The following USP5 variants were observed in gnomAD, a reference collection of about 807,000 sequenced individuals.
USP5 encodes the protein ubiquitin specific peptidase 5, also known as ubiquitin carboxyl-terminal hydrolase 5.
USP5 carries 24 observed loss-of-function variants against 102.5 expected under a neutral mutation model. The ratio of observed to expected loss-of-function variants is 0.23; its 90% CI spans 0.17 to 0.33. USP5 has a LOEUF of 0.33. Among genes scored for constraint, USP5 ranks in the 10% least tolerant of loss-of-function variants. USP5 has a pLI of 1.00. For synonymous variants in USP5, 460 were observed against 434.8 expected (o/e 1.06, Z -0.72); for missense variants, 753 against 1,122.1 (o/e 0.67, Z 4.70).
Position 6,861,300 on chromosome 12 carries a change from C to T in USP5, c.1499-143C>T. 2.3e-6 allele frequency: 3 copies of T among 1,285,434 alleles called. No individual in the cohort carries two copies. Among genetic ancestry groups the T allele is most frequent in the Non-Finnish European group, 3.2e-6 (3 of 939,688 alleles). 79.6% of individuals were successfully genotyped at this position (1,285,434 alleles called of 1,614,324 possible). A position where few individuals can be genotyped will look rare whatever the true frequency, so the allele number is the denominator to read the frequency against. ...GCTTGTTAGCAGAGCTGCATGGAAACAGGCGAGATATATTGGACATGTGTC... is the reference window on the plus strand; with the variant it reads ...GCTTGTTAGCAGAGCTGCATGGAAATAGGCGAGATATATTGGACATGTGTC... On this transcript the variant is annotated intron_variant, in intron 12 of 19. Coordinates refer to ENST00000229268, the MANE Select transcript of USP5 (RefSeq NM_001098536.2). This position sits in a 1 kb window ranked among gnomAD's most constrained non-coding sequence, Gnocchi z 4.9.
At chr12:6,852,374 T>C in intron 1 of USP5, 84 bp downstream of exon 1, 2 of 1,370,086 alleles carry the variant, frequency 1.5e-6, no homozygotes, top group Non-Finnish European at 1.0e-6. Flanking sequence ...AGGCTTGGGC[T>C]ACCGCCTCCC....
intron 18 of USP5, 115 bp from the exon 19 acceptor site, chr12:6,865,049 G>T: frequency 7.8e-7 from 1 of 1,289,142 alleles, no homozygotes; most frequent in Non-Finnish European, 1.1e-6. Flanking sequence ...CCCAGTACCT[G>T]CCTCACATTC....
rs868907556 is a variant in USP5 at position 6,858,044 on chromosome 12, C to T, written c.864+321C>T. 1.3e-5 allele frequency among the ~76,000 whole-genome samples: 2 copies of T among 152,078 alleles called. No homozygotes were observed. Among genetic ancestry groups the T allele is most frequent in the Admixed American group, 6.5e-5 (1 of 15,274 alleles). On this transcript the variant is annotated intron_variant, in intron 7 of 19. Coordinates refer to ENST00000229268, the MANE Select transcript of USP5 (RefSeq NM_001098536.2). The surrounding 1 kb of genome is among the most constrained non-coding windows in gnomAD (Gnocchi z 4.2). ...ACTGGTGGGCACTGTGAAAGAGAGG[C>T]GGAGGGTACTACAGTAATTGACAGC...
At position 6,860,839 on chromosome 12, in the gene USP5, T is replaced by A; in HGVS notation, c.1345-114T>A. ...GGAAGGTTTCTGCTCTGCTCTTGTG[T>A]CCCTGAGTTCCGAGTGGTAGTCTGC... is the stretch of plus-strand genomic sequence containing the variant. On this transcript the variant is annotated intron_variant, in intron 11 of 19. Transcript: ENST00000229268. This position sits in a 1 kb window ranked among gnomAD's most constrained non-coding sequence, Gnocchi z 5.5. 6.9e-7 allele frequency: 1 copy of A among 1,453,984 alleles called. No individual in the cohort carries two copies. The highest frequency in any genetic ancestry group is 9.4e-7 in the Non-Finnish European group (1 of 1,064,014). The allele number at this position is 1,453,984 out of a possible 1,614,324, so 90.1% of individuals were successfully genotyped here. A position where few individuals can be genotyped will look rare whatever the true frequency, so the allele number is the denominator to read the frequency against.
In USP5 at chr12:6,861,703, T is replaced by A. The variant is rs1002607503; in HGVS notation, c.1673+86T>A. The A allele has an allele frequency of 5.4e-5, 73 of 1,343,594 alleles. No homozygotes were observed. In the East Asian group the frequency reaches 2.0e-3, roughly 36 times the overall value. 83.2% of individuals were successfully genotyped at this position (1,343,594 alleles called of 1,614,324 possible). A position where few individuals can be genotyped will look rare whatever the true frequency, so the allele number is the denominator to read the frequency against. On this transcript the variant is annotated intron_variant, in intron 13 of 19. Coordinates refer to ENST00000229268, the MANE Select transcript of USP5 (RefSeq NM_001098536.2). This position sits in a 1 kb window ranked among gnomAD's most constrained non-coding sequence, Gnocchi z 4.9. ...CTTCTGTCTCTTCCCTGTTCTTTCA[T>A]CCCTTTGTGGTTGGAACCTCAGGGT...
chr12:6,859,605 C>G (rs1391535748), intron 9 of USP5, 64 bp downstream of exon 9: 1 of 1,518,982 alleles, frequency 6.6e-7, no homozygotes, highest in African/African-American at 1.4e-5. Context: ...TTCCTCCTCC[C>G]TGACCGCCTG....
At position 6,864,006 on chromosome 12, in the gene USP5, G is replaced by T. The variant is rs782263391; in HGVS notation, c.2098+33G>T. ...GGGGTGGGGAGCAGGGTGGGGCAGG[G>T]CCTCCATCCTCCCCCAAACACATCA... On this transcript the variant is annotated intron_variant, in intron 16 of 19. Transcript: ENST00000229268. The surrounding 1 kb of genome is among the most constrained non-coding windows in gnomAD (Gnocchi z 4.8). The T allele has an allele frequency of 5.1e-6, 8 of 1,580,574 alleles. No homozygotes were observed. The highest frequency in any genetic ancestry group is 6.9e-6 in the Non-Finnish European group (8 of 1,158,068).
Position 6,864,833 on chromosome 12 carries a change from G to A in USP5, c.2356G>A (p.Glu786Lys), listed in dbSNP as rs1944385755. 1.2e-6 allele frequency: 2 copies of A among 1,614,002 alleles called. No homozygotes were observed. Among genetic ancestry groups the A allele is most frequent in the Non-Finnish European group, 1.7e-6 (2 of 1,180,040 alleles). The change falls in exon 18 of 20, where the codon GAG (glutamate) becomes AAG (lysine). Residue 786 changes from glutamate (E) to lysine (K), a missense_variant. By Grantham distance (56) the Glu-to-Lys change is moderately conservative (BLOSUM62 1). Coordinates refer to ENST00000229268, the MANE Select transcript of USP5 (RefSeq NM_001098536.2). This position sits in a 1 kb window ranked among gnomAD's most constrained non-coding sequence, Gnocchi z 4.8. ...EGRSAADSIS[E>K]SVPVGPKVRD... ...CCGCTCAGCTGCCGACTCCATCTCT[G>A]AGTCTGTGCCAGTGGGACCTAAAGT...
intron 1 of USP5, among the ~76,000 whole-genome samples, chr12:6,853,696 T>C (rs925434069): frequency 3.3e-5 from 5 of 152,250 alleles, no homozygotes; most frequent in Non-Finnish European, 7.3e-5. Context: ...AAACTTTCCC[T>C]TTTTCACCCC....
At position 6,864,082 on chromosome 12, in the gene USP5, A is replaced by G. The variant is rs782099215; in HGVS notation, c.2131A>G (p.Ser711Gly). ...FANPLILPGS[S>G]GPGSTSAAAD... ...AAACCCCCTCATCCTGCCTGGCTCT[A>G]GTGGGCCGGGCTCCACAAGCGCAGC... is the stretch of plus-strand genomic sequence containing the variant. Residue 711 changes from serine (S) to glycine (G), a missense_variant, in exon 17 of 20, where the codon AGT (serine) becomes GGT (glycine). Around this residue, in one of 3 missense-constraint regions of USP5, gnomAD observed 193 missense variants for 230.2 expected, o/e 0.84. Coordinates refer to ENST00000229268, the MANE Select transcript of USP5 (RefSeq NM_001098536.2). This position sits in a 1 kb window ranked among gnomAD's most constrained non-coding sequence, Gnocchi z 4.8. 3 of 1,612,790 alleles carry G rather than the reference A, an allele frequency of 1.9e-6. No individual in the cohort carries two copies. The highest frequency in any genetic ancestry group is 2.5e-6 in the Non-Finnish European group (3 of 1,179,360).
rs113655717 is a variant in USP5 at position 6,859,743 on chromosome 12, C to G, written c.1130+202C>G. Among the ~76,000 whole-genome samples the G allele has an allele frequency of 6.6e-3, 1,011 of 152,298 alleles. 11 individuals are homozygous for G. The highest frequency in any genetic ancestry group is 0.024 in the African/African-American group (981 of 41,528). On this transcript the variant is annotated intron_variant, in intron 9 of 19. Transcript: ENST00000229268. ...TCTCGGCTCACTACAACCTCTGCCT[C>G]CTGGGTTCAAGTGATTCTCCTGCCT...
intron 8 of USP5, among the ~76,000 whole-genome samples, chr12:6,859,090 G>C (rs956022058): frequency 6.6e-6 from 1 of 152,102 alleles, no homozygotes; most frequent in South Asian, 2.1e-4. Context: ...TTGGGGAGGA[G>C]GGGGGCTTGG....
rs781789071 is a variant in USP5 at position 6,860,243 on chromosome 12, G to A, written c.1218+5G>A. 6.2e-6 allele frequency: 10 copies of A among 1,611,606 alleles called. No homozygotes were observed. Among genetic ancestry groups the A allele is most frequent in the Non-Finnish European group, 7.6e-6 (9 of 1,178,922 alleles). ...GAGCGGGTGCCAGAACAGAAGGTGC[G>A]TCTAGGACCCTGTCCCTTTCAGGCC... is the stretch of plus-strand genomic sequence containing the variant. On this transcript the variant is annotated splice_donor_5th_base_variant and intron_variant, in intron 10 of 19. Coordinates refer to ENST00000229268, the MANE Select transcript of USP5 (RefSeq NM_001098536.2). This position sits in a 1 kb window ranked among gnomAD's most constrained non-coding sequence, Gnocchi z 5.5.
chr12:6,858,444 G>A lies in USP5; in HGVS notation c.885G>A (p.Glu295=). 6.2e-7 allele frequency: 1 copy of A among 1,606,524 alleles called. No homozygotes were observed. Among genetic ancestry groups the A allele is most frequent in the Non-Finnish European group, 8.5e-7 (1 of 1,173,434 alleles). Residue 295 remains glutamate (E), a synonymous_variant, in exon 8 of 20, where the codon GAG becomes GAA. Transcript: ENST00000229268. This position sits in a 1 kb window ranked among gnomAD's most constrained non-coding sequence, Gnocchi z 4.2. ...KMQKTDKTMT[E]LEIDMNQRIG... is the part of the protein sequence containing the mutation. ...CACAGACAGACAAGACGATGACTGA[G>A]TTGGAGATAGACATGAACCAGCGGA...
rs1033812535 is a variant in USP5 at position 6,855,148 on chromosome 12, C to T, written c.112-253C>T. ...GGTGACTGGTGTTGCTGTTGAATGG[C>T]GACGATGAGCTGGTGTTCCTCAGCC... On this transcript the variant is annotated intron_variant, in intron 1 of 19. Coordinates refer to ENST00000229268, the MANE Select transcript of USP5 (RefSeq NM_001098536.2). The surrounding 1 kb of genome is among the most constrained non-coding windows in gnomAD (Gnocchi z 4.6). Among the ~76,000 whole-genome samples, 5 of 152,150 alleles carry T rather than the reference C, an allele frequency of 3.3e-5. No homozygotes were observed. The highest frequency in any genetic ancestry group is 3.9e-4 in the East Asian group (2 of 5,192).
chr12:6,862,500 C>T lies in USP5; in HGVS notation c.1704C>T (p.Tyr568=). ...CACGATTTGCCTCATTCCCTGACTA[C>T]CTGGTCATCCAGATCAAGAAGTTCA... ...KTTRFASFPD[Y]LVIQIKKFTF... The change falls in exon 14 of 20, where the codon TAC becomes TAT. Residue 568 remains tyrosine (Y), a synonymous_variant. Transcript: ENST00000229268. 4.3e-6 allele frequency: 7 copies of T among 1,614,188 alleles called. No individual in the cohort carries two copies. Among genetic ancestry groups the T allele is most frequent in the Non-Finnish European group, 5.9e-6 (7 of 1,180,030 alleles).
Position 6,856,242 on chromosome 12 carries a change from AG to A in USP5, c.439-59del. On this transcript the variant is annotated intron_variant, in intron 4 of 19. Transcript: ENST00000229268. The surrounding 1 kb of genome is among the most constrained non-coding windows in gnomAD (Gnocchi z 5.6). Reference sequence around the variant, plus strand: ...CAAGCACTGACAAAGCTGAAGGCCAAGGGGAAGAGGGGCATGTGGGGCAGGG... The same window carrying A: ...CAAGCACTGACAAAGCTGAAGGCCAAGGGAAGAGGGGCATGTGGGGCAGGG... The A allele has an allele frequency of 6.2e-7, 1 of 1,604,246 alleles. No individual in the cohort carries two copies. Among genetic ancestry groups the A allele is most frequent in the Non-Finnish European group, 8.5e-7 (1 of 1,173,924 alleles).
rs1294501238 is a variant in USP5, at chr12:6,855,699, G to C, written c.238-56G>C. 2 of 1,610,830 alleles carry C rather than the reference G, an allele frequency of 1.2e-6. No individual in the cohort carries two copies. Among genetic ancestry groups the C allele is most frequent in the African/African-American group, 2.7e-5 (2 of 74,780 alleles). Reference sequence around the variant, plus strand: ...ACTACCTCCTTCCGTCCCTCCTCCCGACTTGTTCCTTCGCTCGTGCTCATT... The same window carrying C: ...ACTACCTCCTTCCGTCCCTCCTCCCCACTTGTTCCTTCGCTCGTGCTCATT... On this transcript the variant is annotated intron_variant, in intron 2 of 19. Transcript: ENST00000229268. This position sits in a 1 kb window ranked among gnomAD's most constrained non-coding sequence, Gnocchi z 4.6.
chr12:6,860,784 G>T lies in USP5; in HGVS notation c.1345-169G>T, dbSNP rs782627522. On this transcript the variant is annotated intron_variant, in intron 11 of 19. Coordinates refer to ENST00000229268, the MANE Select transcript of USP5 (RefSeq NM_001098536.2). The surrounding 1 kb of genome is among the most constrained non-coding windows in gnomAD (Gnocchi z 5.5). ...CACAGTCCCTCAGTGCAGGGATGGG[G>T]CCAGAAATGGGGAGGGGTTGGTGAA... 6.6e-6 allele frequency among the ~76,000 whole-genome samples: 1 copy of T among 152,320 alleles called. No individual in the cohort carries two copies. Among genetic ancestry groups the T allele is most frequent in the Admixed American group, 6.5e-5 (1 of 15,304 alleles).
Sources: allele counts gnomAD v4.1 joint callset (sites outside exome capture counted in the v4.1 genomes callset), GRCh38; gene constraint gnomAD v4.1.1; regional missense constraint gnomAD v4.1.1; non-coding constraint Gnocchi (gnomAD v3.1); transcripts MANE v1.5; gene names NCBI Gene and HGNC (gene_info 2026-07-23, HGNC 2026-07-21).